The following DAAM2 variants were observed in gnomAD, a reference collection of about 807,000 sequenced individuals.
The protein encoded by DAAM2 is dishevelled associated activator of morphogenesis 2, also known as disheveled-associated activator of morphogenesis 2.
Under a neutral mutation model 120.7 loss-of-function variants are expected in DAAM2, and 39 were observed. The observed-to-expected ratio is 0.32, with a 90% CI of 0.25 to 0.42. The LOEUF (loss-of-function observed/expected upper bound fraction) is 0.42, where lower values mean the gene tolerates loss of function less well. Among genes scored for constraint, DAAM2 ranks in the 10% least tolerant of loss-of-function variants. DAAM2 has a pLI of 1.00. For missense variants in DAAM2, 1,283 were observed against 1,401.7 expected (o/e 0.92, Z 1.35); for synonymous variants, 488 against 524.9 (o/e 0.93, Z 0.96).
intron 14 of DAAM2, among the ~76,000 whole-genome samples, chr6:39,880,601 C>T (rs535166614): frequency 6.6e-6 from 1 of 152,308 alleles, no homozygotes; most frequent in Admixed American, 6.5e-5. Flanking sequence ...TCTAACCAAA[C>T]CAGGTGTAGC....
intron 1 of DAAM2, among the ~76,000 whole-genome samples, chr6:39,814,649 G>T (rs1762259079): frequency 6.6e-6 from 1 of 152,252 alleles, no homozygotes; most frequent in East Asian, 1.9e-4. Context: ...CCATGGAAGA[G>T]AATGTCTCCT....
intron 1 of DAAM2, among the ~76,000 whole-genome samples, chr6:39,806,409 A>G (rs1271721129): frequency 2.0e-5 from 3 of 152,176 alleles, no homozygotes; most frequent in Non-Finnish European, 2.9e-5. Flanking sequence ...CCTATCTGCT[A>G]TACCCATATA....
At position 39,879,314 on chromosome 6, in the gene DAAM2, C is replaced by T. The variant is rs769271142; in HGVS notation, c.1682C>T (p.Pro561Leu). ...CCCCCTCCCCCACCACCACCCCTTCCTCCCGGGGGACCCCCGACTCCCCCA... is the reference window on the plus strand; with the variant it reads ...CCCCCTCCCCCACCACCACCCCTTCTTCCCGGGGGACCCCCGACTCCCCCA... ...CCPPPPPPPL[P>L]PGGPPTPPGA... Residue 561 changes from proline to leucine, a missense_variant, in exon 14 of 25, where the codon CCT (proline) becomes CTT (leucine). By Grantham distance (98) the Pro-to-Leu change is moderately conservative (BLOSUM62 -3). Coordinates refer to ENST00000274867, the MANE Select transcript of DAAM2 (RefSeq NM_001201427.2). The T allele has an allele frequency of 1.9e-6, 3 of 1,579,078 alleles. No individual in the cohort carries two copies. Among genetic ancestry groups the T allele is most frequent in the Admixed American group, 1.7e-5 (1 of 57,946 alleles).
intron 1 of DAAM2, among the ~76,000 whole-genome samples, chr6:39,842,308 C>G (rs1417502002): frequency 6.6e-6 from 1 of 152,174 alleles, no homozygotes; most frequent in Non-Finnish European, 1.5e-5. Context: ...GACTCAGAGT[C>G]TAGATGGGGG....
Position 39,879,452 on chromosome 6 carries a change from C to G in DAAM2, c.1820C>G (p.Ser607Cys), listed in dbSNP as rs1765024361. The change falls in exon 14 of 25, where the codon TCC (serine) becomes TGC (cysteine). Residue 607 changes from serine to cysteine, a missense_variant. Ser to Cys is a moderately radical substitution (Grantham distance 112, BLOSUM62 -1). Coordinates refer to ENST00000274867, the MANE Select transcript of DAAM2 (RefSeq NM_001201427.2). ...RVPQPSHPLK[S>C]FNWVKLNEER... ...CCCCAGCCTTCTCACCCACTGAAGTCCTTCAACTGGGTGAAGCTGAATGAG... is the reference window on the plus strand; with the variant it reads ...CCCCAGCCTTCTCACCCACTGAAGTGCTTCAACTGGGTGAAGCTGAATGAG... 1 of 1,613,904 alleles carries G rather than the reference C, an allele frequency of 6.2e-7. No homozygotes were observed.
At chr6:39,833,798 C>G (rs1385379761) in intron 1 of DAAM2, among the ~76,000 whole-genome samples, 1 of 152,174 alleles carries the variant, frequency 6.6e-6, no homozygotes, top group East Asian at 1.9e-4. Context: ...AAAGGAAACA[C>G]TGGCATTTTC....
chr6:39,861,270 G>A lies in DAAM2; in HGVS notation c.258+253G>A, dbSNP rs933910619. ...CTGCATCCCAGGACTGGGGCTTGCT[G>A]GGAGACAGACAAAGAAGCAGAGTCT... On this transcript the variant is annotated intron_variant, in intron 3 of 24. Coordinates refer to ENST00000274867, the MANE Select transcript of DAAM2 (RefSeq NM_001201427.2). The A allele has an allele frequency of 5.7e-6, 3 of 528,646 alleles. No homozygotes were observed. In the African/African-American group the frequency reaches 5.7e-5, roughly 10 times the overall value. 32.7% of individuals were successfully genotyped at this position (528,646 alleles called of 1,614,324 possible).
intron 1 of DAAM2, among the ~76,000 whole-genome samples, chr6:39,801,267 A>T (rs536478799): frequency 1.3e-5 from 2 of 152,284 alleles, no homozygotes; most frequent in South Asian, 4.1e-4. Flanking sequence ...GGCAACCCTC[A>T]ACTGATTTCT....
At chr6:39,868,015 T>C in intron 6 of DAAM2, 172 bp downstream of exon 6, 2 of 637,032 alleles carry the variant, frequency 3.1e-6, no homozygotes, top group Non-Finnish European at 5.4e-6. Flanking sequence ...CCTGGAAGGC[T>C]TGCATAAAAA....
intron 1 of DAAM2, among the ~76,000 whole-genome samples, chr6:39,827,098 T>C (rs775395194): frequency 8.5e-5 from 13 of 152,348 alleles, no homozygotes; most frequent in Non-Finnish European, 1.6e-4. Flanking sequence ...TCCACTTAAG[T>C]AGAAACTCAG....
intron 10 of DAAM2, among the ~76,000 whole-genome samples, chr6:39,874,934 A>G (rs569735163): frequency 7.9e-4 from 121 of 152,306 alleles, no homozygotes; most frequent in Non-Finnish European, 1.4e-3. Context: ...TCTTTTTTAA[A>G]AAAAACTTCC....
intron 8 of DAAM2, 87 bp downstream of exon 8, chr6:39,870,530 T>G: frequency 1.2e-6 from 1 of 851,780 alleles, no homozygotes; most frequent in Non-Finnish European, 1.9e-6. Context: ...AAGGCTGCCC[T>G]TCCCTCTGGA....
At position 39,856,460 on chromosome 6, in the gene DAAM2, C is replaced by T. The variant is rs1764008727; in HGVS notation, c.158C>T (p.Ala53Val). The T allele has an allele frequency of 6.9e-7, 1 of 1,458,302 alleles. No homozygotes were observed. The highest frequency in any genetic ancestry group is 9.1e-7 in the Non-Finnish European group (1 of 1,101,170). 90.3% of individuals were successfully genotyped at this position (1,458,302 alleles called of 1,614,324 possible). The change falls in exon 2 of 25, where the codon GCA becomes GTA. Residue 53 changes from alanine (A) to valine (V), a missense_variant. Physicochemically the swap from Ala to Val is moderately conservative, Grantham distance 64. Coordinates refer to ENST00000274867, the MANE Select transcript of DAAM2 (RefSeq NM_001201427.2). ...GCAGAGGAGCTCAACATCCGCTTTG[C>T]AGAGCTGGTGGTCAGTGAGAGGGTG... is the stretch of plus-strand genomic sequence containing the variant. ...PNAEELNIRF[A>V]ELVDELDLTD...
rs1455593421 is a variant in DAAM2, at chr6:39,868,912, C to A, written c.852C>A (p.Val284=). The A allele has an allele frequency of 3.2e-6, 5 of 1,580,784 alleles. No individual in the cohort carries two copies. The East Asian group carries it at 1.2e-4, about 37-fold the overall frequency. ...CCATCATGTCCTTCATCAATGCTGTCCTCAATGCTGGAGCTGGAGAGGTGG... is the reference window on the plus strand; with the variant it reads ...CCATCATGTCCTTCATCAATGCTGTACTCAATGCTGGAGCTGGAGAGGTGG... ...KTAIMSFINA[V]LNAGAGEDNL... is the part of the protein sequence containing the mutation. Residue 284 remains valine, a synonymous_variant, in exon 7 of 25, where the codon GTC becomes GTA. Transcript: ENST00000274867.
rs760590416 is a variant in DAAM2, at chr6:39,900,163, C to T, written c.2766C>T (p.Phe922=). 8 of 1,607,254 alleles carry T rather than the reference C, an allele frequency of 5.0e-6. No individual in the cohort carries two copies. Among genetic ancestry groups the T allele is most frequent in the Non-Finnish European group, 5.9e-6 (7 of 1,177,008 alleles). ...VMSDFITVSS[F]SFSELEDQLN... ...GCGACTTCATCACGGTGTCCAGCTT[C>T]AGCTTCTCCGAGCTGGAGGACCAGC... The change falls in exon 23 of 25, where the codon TTC becomes TTT. Residue 922 remains phenylalanine (F), a synonymous_variant. Transcript: ENST00000274867.
intron 1 of DAAM2, among the ~76,000 whole-genome samples, chr6:39,795,377 C>A (rs1761669970): frequency 6.6e-6 from 1 of 152,188 alleles, no homozygotes; most frequent in Non-Finnish European, 1.5e-5. Flanking sequence ...AGCCCGACAA[C>A]AATGGAAAGA....
intron 1 of DAAM2, among the ~76,000 whole-genome samples, chr6:39,813,895 T>A (rs1762236038): frequency 6.6e-6 from 1 of 152,248 alleles, no homozygotes; most frequent in Non-Finnish European, 1.5e-5. Context: ...TTCTGGTTAG[T>A]ATTACCAACT....
intron 2 of DAAM2, among the ~76,000 whole-genome samples, chr6:39,859,637 T>C (rs1020037262): frequency 2.6e-5 from 4 of 152,228 alleles, no homozygotes; most frequent in Non-Finnish European, 5.9e-5. Flanking sequence ...AAAAAAGGAA[T>C]GTAAAATATC....
chr6:39,861,023 C>T lies in DAAM2; in HGVS notation c.258+6C>T. The T allele has an allele frequency of 6.2e-7, 1 of 1,605,136 alleles. No individual in the cohort carries two copies. The highest frequency in any genetic ancestry group is 8.5e-7 in the Non-Finnish European group (1 of 1,175,370). ...TCTACTGCAGCAAGAAGAAGGTGCC[C>T]TCTCTGACCCCTCTGGCCACATCTC... On this transcript the variant is annotated splice_donor_region_variant and intron_variant, in intron 3 of 24. Transcript: ENST00000274867.
Sources: allele counts gnomAD v4.1 joint callset (sites outside exome capture counted in the v4.1 genomes callset), GRCh38; gene constraint gnomAD v4.1.1; transcripts MANE v1.5; gene names NCBI Gene and HGNC (gene_info 2026-07-23, HGNC 2026-07-21).